Variants in LYN observed in about 807,000 individuals in gnomAD.
LYN encodes the protein LYN proto-oncogene, Src family tyrosine kinase.
Under a neutral mutation model 65.0 loss-of-function variants are expected in LYN, and 12 were observed. The observed-to-expected ratio is 0.18, with a 90% CI of 0.12 to 0.30. The LOEUF (loss-of-function observed/expected upper bound fraction) is 0.30, where lower values mean the gene tolerates loss of function less well. Among genes scored for constraint, LYN ranks in the 10% least tolerant of loss-of-function variants. LYN has a pLI of 1.00. For synonymous variants in LYN, 222 were observed against 221.2 expected, an observed-to-expected ratio of 1.00 and a Z score of -0.03; for missense variants, 380 against 623.2, an observed-to-expected ratio of 0.61 and a Z score of 4.16.
intron 1 of LYN, among the ~76,000 whole-genome samples, chr8:55,912,035 G>A (rs918037798): frequency 1.4e-4 from 22 of 152,264 alleles, no homozygotes; most frequent in African/African-American, 5.3e-4. Flanking sequence ...CTCCCATCTA[G>A]TGTTTCCCTG....
At chr8:55,923,921 A>T (rs1204054482) in intron 1 of LYN, among the ~76,000 whole-genome samples, 1 of 152,066 alleles carries the variant, frequency 6.6e-6, no homozygotes, top group African/African-American at 2.4e-5. Flanking sequence ...TGAAAGAAAA[A>T]TATGTTTTTA....
chr8:55,897,075 T>C (rs1457909711), intron 1 of LYN, among the ~76,000 whole-genome samples: 1 of 152,132 alleles, frequency 6.6e-6, no homozygotes, highest in Non-Finnish European at 1.5e-5. Flanking sequence ...ATAACTGCAA[T>C]GGAATGAGCT....
chr8:55,901,287 A>C (rs545312676), intron 1 of LYN, among the ~76,000 whole-genome samples: 79 of 152,284 alleles, frequency 5.2e-4, no homozygotes, highest in African/African-American at 1.8e-3. Flanking sequence ...AATTGATAGA[A>C]TTCCTCCACC....
chr8:55,936,743 A>G (rs1382577351), intron 1 of LYN, among the ~76,000 whole-genome samples: 2 of 152,250 alleles, frequency 1.3e-5, no homozygotes, highest in East Asian at 1.9e-4. Flanking sequence ...AATGTATTGT[A>G]TATTCCAAAT....
chr8:55,961,704 A>G (rs1807279966), intron 8 of LYN, among the ~76,000 whole-genome samples: 2 of 152,168 alleles, frequency 1.3e-5, no homozygotes, highest in South Asian at 4.1e-4. Flanking sequence ...TTATGATGGC[A>G]AAAGGGAAAT....
intron 10 of LYN, among the ~76,000 whole-genome samples, chr8:55,978,606 C>T (rs1255516549): frequency 1.3e-5 from 2 of 152,120 alleles, no homozygotes; most frequent in African/African-American, 2.4e-5. Context: ...TGGGAAGGGG[C>T]AGAGGACAGC....
intron 1 of LYN, among the ~76,000 whole-genome samples, chr8:55,915,978 A>G (rs1317161813): frequency 6.6e-6 from 1 of 152,342 alleles, no homozygotes; most frequent in South Asian, 2.1e-4. Flanking sequence ...CTCTAAACTC[A>G]CAATTAATGG....
At chr8:55,935,762 C>T (rs373618459) in intron 1 of LYN, among the ~76,000 whole-genome samples, 1 of 129,660 alleles carries the variant, frequency 7.7e-6, no homozygotes, top group East Asian at 2.2e-4. Flanking sequence ...GCCTGGGCAA[C>T]AGAGGGAGAC....
chr8:55,941,616 G>A (rs1334173154), intron 1 of LYN, among the ~76,000 whole-genome samples: 5 of 152,110 alleles, frequency 3.3e-5, no homozygotes, highest in Non-Finnish European at 7.4e-5. Flanking sequence ...AAGAATACGA[G>A]CAGAGTTAGA....
chr8:55,979,628 A>G (rs1807861559), intron 10 of LYN, among the ~76,000 whole-genome samples: 1 of 152,152 alleles, frequency 6.6e-6, no homozygotes. Context: ...TGAAATGTGT[A>G]TTCTGAGGTC....
At chr8:55,891,347 C>T (rs527331473) in intron 1 of LYN, among the ~76,000 whole-genome samples, 20 of 147,376 alleles carry the variant, frequency 1.4e-4, no homozygotes, top group East Asian at 6.0e-4. Context: ...AGCGAAACTC[C>T]GGCTCAAAAA....
intron 8 of LYN, among the ~76,000 whole-genome samples, chr8:55,961,607 T>G (rs548365185): frequency 6.6e-6 from 1 of 152,272 alleles, no homozygotes; most frequent in South Asian, 2.1e-4. Context: ...TCCTGATGAC[T>G]TCCCCCCTAA....
At chr8:55,940,518 GGC>G (rs1806579523) in intron 1 of LYN, among the ~76,000 whole-genome samples, 1 of 152,164 alleles carries the variant, frequency 6.6e-6, no homozygotes, top group Non-Finnish European at 1.5e-5. Context: ...TGGGACTACA[GGC>G]GTGTGCCACC....
At chr8:55,886,545 C>A (rs912218945) in intron 1 of LYN, among the ~76,000 whole-genome samples, 1 of 152,210 alleles carries the variant, frequency 6.6e-6, no homozygotes, top group Non-Finnish European at 1.5e-5. Flanking sequence ...ACGCGCCCAG[C>A]CTGTCAAACT....
intron 1 of LYN, among the ~76,000 whole-genome samples, chr8:55,911,287 T>TATATATATA (rs1563506834): frequency 4.3e-4 from 11 of 25,656 alleles, no homozygotes; most frequent in South Asian, 1.5e-3. Context: ...ATATATATAT[T>TATATATATA]TTTTTTTTTT....
chr8:56,010,316 A>G lies in LYN; in HGVS notation c.*206A>G. The G allele has an allele frequency of 1.8e-6, 1 of 545,584 alleles. No individual in the cohort carries two copies. The highest frequency in any genetic ancestry group is 3.3e-6 in the Non-Finnish European group (1 of 304,598). The allele number at this position is 545,584 out of a possible 1,614,324, so 33.8% of individuals were successfully genotyped here. A position where few individuals can be genotyped will look rare whatever the true frequency, so the allele number is the denominator to read the frequency against. On this transcript the variant is annotated 3_prime_UTR_variant, in exon 13 of 13. Coordinates refer to ENST00000519728, the MANE Select transcript of LYN (RefSeq NM_002350.4). ...TAGATGGATTCTCCACTCAGTTGCA[A>G]CTTGGACTTGTCCTCAGCAGCTGGT...
At chr8:55,931,090 T>C (rs1260824668) in intron 1 of LYN, among the ~76,000 whole-genome samples, 2 of 148,246 alleles carry the variant, frequency 1.3e-5, no homozygotes, top group African/African-American at 4.9e-5. Context: ...TGTATATATA[T>C]ATAAGTTATA....
Position 56,010,739 on chromosome 8 carries a change from CA to C in LYN, c.*630del, listed in dbSNP as rs2130605997. ...CACTGCTCAGACCTGCTAGACATGC[CA>C]TAGGAGTGGCGTGCACATCTCTCTC... On this transcript the variant is annotated 3_prime_UTR_variant, in exon 13 of 13. Transcript: ENST00000519728. 2 of 230,864 alleles carry C rather than the reference CA, an allele frequency of 8.7e-6. No homozygotes were observed. Among genetic ancestry groups the C allele is most frequent in the East Asian group, 1.2e-4 (2 of 16,148 alleles). The allele number at this position is 230,864 out of a possible 1,614,324, so 14.3% of individuals were successfully genotyped here. A position where few individuals can be genotyped will look rare whatever the true frequency, so the allele number is the denominator to read the frequency against.
intron 1 of LYN, among the ~76,000 whole-genome samples, chr8:55,923,233 G>A (rs192693804): frequency 6.6e-6 from 1 of 152,260 alleles, no homozygotes; most frequent in East Asian, 1.9e-4. Context: ...CTAAGGTACT[G>A]ATCCTTTCTG....
Sources: gnomAD v4.1 joint callset for allele counts (sites outside exome capture counted in the v4.1 genomes callset) on GRCh38, gnomAD v4.1.1 for gene constraint, MANE v1.5 for transcripts, NCBI Gene and HGNC (gene_info 2026-07-23, HGNC 2026-07-21) for gene names.